Variants in KNG1 observed in about 807,000 individuals in gnomAD.
The protein encoded by KNG1 is kininogen 1, also known as kininogen-1.
KNG1 carries 23 observed loss-of-function variants against 47.8 expected under a neutral mutation model. The observed-to-expected ratio is 0.48, with a 90% CI of 0.35 to 0.68. The LOEUF (loss-of-function observed/expected upper bound fraction) is 0.68. Ranked by LOEUF, KNG1 falls within the 30% of genes least tolerant of loss-of-function variation. KNG1 has a pLI of 0.01. For missense variants in KNG1, 762 were observed against 790.2 expected (o/e 0.96, Z 0.43); for synonymous variants, 277 against 277.0 (o/e 1.00, Z 0.00).
intron 7 of KNG1, chr3:186,734,626 T>G (rs5030058): frequency 0.37 from 56,666 of 151,656 alleles, 10,682 homozygotes; most frequent in South Asian, 0.48. Flanking sequence ...GTAGTTGTGG[T>G]TTTTGCCAAA....
chr3:186,718,479 G>A (rs759827326), intron 1 of KNG1: 22 of 149,456 alleles, frequency 1.5e-4, no homozygotes, highest in Non-Finnish European at 2.6e-4. Flanking sequence ...CTTGTGGAAA[G>A]ACAGATACCA....
chr3:186,731,230 T>C (rs1364231833), intron 5 of KNG1, among the ~76,000 whole-genome samples: 1 of 152,214 alleles, frequency 6.6e-6, no homozygotes, highest in Non-Finnish European at 1.5e-5. Context: ...TGTAATACAT[T>C]GATTTGGTGT....
intron 7 of KNG1, 57 bp downstream of exon 7, chr3:186,732,731 C>A: frequency 7.2e-7 from 1 of 1,386,670 alleles, no homozygotes; most frequent in Non-Finnish European, 1.0e-6. Context: ...AAATTGCTGA[C>A]TAATTTTGCC....
At chr3:186,725,542 G>A (rs1720335786) in intron 4 of KNG1, among the ~76,000 whole-genome samples, 1 of 75,022 alleles carries the variant, frequency 1.3e-5, no homozygotes, top group Non-Finnish European at 2.8e-5. Context: ...CCGGCCTTAG[G>A]ATTTTTTTTT....
chr3:186,742,117 C>T lies in KNG1; in HGVS notation c.1721C>T (p.Pro574Leu). 6.2e-7 allele frequency: 1 copy of T among 1,614,074 alleles called. No individual in the cohort carries two copies. Among genetic ancestry groups the T allele is most frequent in the South Asian group, 1.1e-5 (1 of 91,076 alleles). Residue 574 changes from proline (P) to leucine (L), a missense_variant, in exon 10 of 10, where the codon CCT becomes CTT. Transcript: ENST00000644859. The part of the protein sequence containing the change: ...QDSDLIATMM[P>L]PISPAPIQSD... ...TCTGATCTCATTGCAACTATGATGC[C>T]TCCTATATCACCAGCTCCCATACAG...
At chr3:186,725,325 A>T in intron 4 of KNG1, 65 bp downstream of exon 4, 1 of 1,466,276 alleles carries the variant, frequency 6.8e-7, no homozygotes, top group Non-Finnish European at 9.6e-7. Flanking sequence ...TACATTTAAA[A>T]TGTATGATTG....
At chr3:186,720,769 CTGG>C (rs1287576027) in intron 2 of KNG1, among the ~76,000 whole-genome samples, 1 of 112,922 alleles carries the variant, frequency 8.9e-6, no homozygotes, top group Admixed American at 8.5e-5. Context: ...CACACCATAG[CTGG>C]TTGTTGTTTT....
At chr3:186,725,405 G>A (rs1484723242) in intron 4 of KNG1, 145 bp downstream of exon 4, 6 of 762,250 alleles carry the variant, frequency 7.9e-6, no homozygotes, top group African/African-American at 1.7e-5. Context: ...AAAGTGAGTC[G>A]GATAGTGCAA....
intron 6 of KNG1, among the ~76,000 whole-genome samples, chr3:186,732,235 CA>C (rs1475175587): frequency 3.3e-5 from 5 of 152,262 alleles, no homozygotes; most frequent in Admixed American, 1.3e-4. Flanking sequence ...ATCAAAAATG[CA>C]AAAATTCAGG....
chr3:186,739,245 C>A, intron 8 of KNG1, 39 bp downstream of exon 8: 1 of 1,584,102 alleles, frequency 6.3e-7, no homozygotes. Flanking sequence ...TCACTGGAAG[C>A]CTATTTGATG....
At chr3:186,720,872 C>G (rs1042036340) in intron 2 of KNG1, among the ~76,000 whole-genome samples, 2 of 142,904 alleles carry the variant, frequency 1.4e-5, no homozygotes, top group Non-Finnish European at 3.0e-5. Context: ...TCACTGCAAG[C>G]TCTGCCTTCC....
chr3:186,732,656 G>A lies in KNG1; in HGVS notation c.912G>A (p.Val304=). The change falls in exon 7 of 10, where the codon GTG becomes GTA. Residue 304 remains valine, a synonymous_variant. Transcript: ENST00000644859. ...NATFYFKIDN[V]KKARVQVVAG... ...CTTTCTATTTCAAGATTGACAATGT[G>A]AAAAAAGCAAGAGTACAGGTGTGTA... 6.2e-7 allele frequency: 1 copy of A among 1,613,818 alleles called. No homozygotes were observed. The highest frequency in any genetic ancestry group is 1.3e-5 in the African/African-American group (1 of 75,038).
chr3:186,728,619 A>G (rs1018504228), intron 5 of KNG1: 1 of 152,222 alleles, frequency 6.6e-6, no homozygotes, highest in Non-Finnish European at 1.5e-5. Context: ...ATGACAAAAT[A>G]TAGAATGTAG....
At position 186,723,811 on chromosome 3, in the gene KNG1, G is replaced by A. The variant is rs966672005; in HGVS notation, c.392-1277G>A. On this transcript the variant is annotated intron_variant, in intron 3 of 9. Coordinates refer to ENST00000644859, the MANE Select transcript of KNG1 (RefSeq NM_001102416.3). Reference sequence around the variant, plus strand: ...CTGGGATTATGGGCATCGCCACCACGCCCGGATAATTTTTGTGTTTTTAGT... The same window carrying A: ...CTGGGATTATGGGCATCGCCACCACACCCGGATAATTTTTGTGTTTTTAGT... Among the ~76,000 whole-genome samples, 7 of 151,860 alleles carry A rather than the reference G, an allele frequency of 4.6e-5. No individual in the cohort carries two copies. In the South Asian group the frequency reaches 1.2e-3, roughly 27 times the overall value.
chr3:186,735,794 C>G (rs572874641), intron 7 of KNG1: 1 of 152,114 alleles, frequency 6.6e-6, no homozygotes, highest in East Asian at 1.9e-4. Context: ...AGAACAAGAC[C>G]CTTTGGGCAA....
intron 7 of KNG1, among the ~76,000 whole-genome samples, chr3:186,737,118 C>T (rs963254112): frequency 6.6e-6 from 1 of 152,208 alleles, no homozygotes; most frequent in African/African-American, 2.4e-5. Flanking sequence ...ACTGAGGCTG[C>T]TTGATTCCTA....
Position 186,717,382 on chromosome 3 carries a change from A to T in KNG1, c.-161A>T. 1.5e-6 allele frequency: 1 copy of T among 652,710 alleles called. No individual in the cohort carries two copies. The allele number at this position is 652,710 out of a possible 1,614,324, so 40.4% of individuals were successfully genotyped here. Reference sequence around the variant, plus strand: ...CCATTTAACCTTTGGGAACAAGGCAACTAGCGTCTGGCAGCAGGAATCCAA... The same window carrying T: ...CCATTTAACCTTTGGGAACAAGGCATCTAGCGTCTGGCAGCAGGAATCCAA... On this transcript the variant is annotated 5_prime_UTR_variant, in exon 1 of 10. Transcript: ENST00000644859.
chr3:186,738,878 C>T (rs1175645213), intron 7 of KNG1: 6 of 499,252 alleles, frequency 1.2e-5, no homozygotes, highest in Non-Finnish European at 2.1e-5. Context: ...TTATAGCTTG[C>T]TTATTTCTTC....
rs1720883480 is a variant in KNG1 at position 186,744,203 on chromosome 3, C to CTTAG, written c.*1873_*1876dup. On this transcript the variant is annotated 3_prime_UTR_variant, in exon 10 of 10. Transcript: ENST00000644859. ...TTCCTCTTTCTCCAGATTTCCAAGCCTTAGCTAAGAGTAATTTGGCTTGTT... is the reference window on the plus strand; with the variant it reads ...TTCCTCTTTCTCCAGATTTCCAAGCCTTAGTTAGCTAAGAGTAATTTGGCTTGTT... 7 of 213,728 alleles carry CTTAG rather than the reference C, an allele frequency of 3.3e-5. No homozygotes were observed. The highest frequency in any genetic ancestry group is 3.7e-3 in the Middle Eastern group (2 of 534). 13.2% of individuals were successfully genotyped at this position (213,728 alleles called of 1,614,324 possible). A position where few individuals can be genotyped will look rare whatever the true frequency, so the allele number is the denominator to read the frequency against.
Sources: gnomAD v4.1 joint callset for allele counts (sites outside exome capture counted in the v4.1 genomes callset) on GRCh38, gnomAD v4.1.1 for gene constraint, MANE v1.5 for transcripts, NCBI Gene and HGNC (gene_info 2026-07-23, HGNC 2026-07-21) for gene names.